LIN9: variants seen among roughly 807,000 people sequenced by gnomAD.
LIN9 encodes the protein protein lin-9 homolog.
In LIN9, 18 loss-of-function variants were observed where a neutral mutation model predicts 78.0. The ratio of observed to expected loss-of-function variants is 0.23; its 90% CI spans 0.16 to 0.34. The LOEUF (loss-of-function observed/expected upper bound fraction) is 0.34, where lower values mean the gene tolerates loss of function less well. Ranked by LOEUF, LIN9 falls within the 10% of genes least tolerant of loss-of-function variation. The pLI is 1.00. For missense variants in LIN9, 451 were observed against 644.1 expected (o/e 0.70, Z 3.25); for synonymous variants, 192 against 215.2 (o/e 0.89, Z 0.94).
At chr1:226,240,988 T>C (rs1658071660) in intron 11 of LIN9, among the ~76,000 whole-genome samples, 1 of 152,228 alleles carries the variant, frequency 6.6e-6, no homozygotes, top group African/African-American at 2.4e-5. Context: ...TTGTGGGATC[T>C]GAAGCCAGTT....
At chr1:226,303,660 C>T (rs534594964) in intron 1 of LIN9, among the ~76,000 whole-genome samples, 108 of 152,056 alleles carry the variant, frequency 7.1e-4, no homozygotes, top group African/African-American at 2.4e-3. Context: ...GGTTGGAGTG[C>T]GGTGGCGCAA....
intron 10 of LIN9, 113 bp from the exon 11 acceptor site, chr1:226,251,032 C>A: frequency 1.7e-6 from 1 of 580,296 alleles, no homozygotes; most frequent in Non-Finnish European, 3.0e-6. Context: ...TTTAGTGTTT[C>A]AACATATATA....
At chr1:226,288,557 A>G (rs1281046108) in intron 4 of LIN9, among the ~76,000 whole-genome samples, 1 of 152,240 alleles carries the variant, frequency 6.6e-6, no homozygotes, top group Non-Finnish European at 1.5e-5. Flanking sequence ...AAGAAAATTT[A>G]ATGAAATGGG....
chr1:226,260,629 T>TTTG (rs1558171845), intron 10 of LIN9, among the ~76,000 whole-genome samples: 1 of 4,382 alleles, frequency 2.3e-4, no homozygotes. Context: ...GCCAAATGAG[T>TTTG]TTTTTTTTTT....
At chr1:226,257,208 C>G (rs1026482158) in intron 10 of LIN9, among the ~76,000 whole-genome samples, 4 of 152,062 alleles carry the variant, frequency 2.6e-5, no homozygotes, top group Non-Finnish European at 4.4e-5. Context: ...CCTCAGCCTC[C>G]CAAAGTGCTA....
At chr1:226,269,582 G>A (rs754661264) in intron 7 of LIN9, among the ~76,000 whole-genome samples, 17 of 152,198 alleles carry the variant, frequency 1.1e-4, no homozygotes, top group Non-Finnish European at 2.2e-4. Context: ...CACCAACGTG[G>A]TCGATGAGAA....
intron 7 of LIN9, among the ~76,000 whole-genome samples, chr1:226,274,551 T>C (rs183446143): frequency 6.6e-6 from 1 of 152,348 alleles, no homozygotes. Flanking sequence ...TAATATTTTT[T>C]ATGTGCATCG....
At chr1:226,253,012 C>T (rs1658940036) in intron 10 of LIN9, among the ~76,000 whole-genome samples, 2 of 151,970 alleles carry the variant, frequency 1.3e-5, no homozygotes, top group African/African-American at 4.8e-5. Context: ...CCTATAATCC[C>T]AGGACTTTGG....
intron 7 of LIN9, among the ~76,000 whole-genome samples, chr1:226,268,884 T>C (rs1660093640): frequency 6.6e-6 from 1 of 152,234 alleles, no homozygotes; most frequent in Non-Finnish European, 1.5e-5. Flanking sequence ...CTTATTCTTT[T>C]GCCAATTTTG....
chr1:226,282,491 T>C lies in LIN9; in HGVS notation c.524+3842A>G, dbSNP rs183486444. Reference sequence around the variant, plus strand: ...CCATGCCATTACTAACCCAACACATTAAAACCTTTATGAACTCTGCCCATC... The same window carrying C: ...CCATGCCATTACTAACCCAACACATCAAAACCTTTATGAACTCTGCCCATC... On this transcript the variant is annotated intron_variant, in intron 6 of 14. Transcript: ENST00000681046. 5.3e-4 allele frequency among the ~76,000 whole-genome samples: 80 copies of C among 152,286 alleles called. 1 individual carries two copies. The highest frequency in any genetic ancestry group is 1.8e-3 in the African/African-American group (74 of 41,560).
chr1:226,240,666 G>C (rs1167267963), intron 11 of LIN9, among the ~76,000 whole-genome samples: 3 of 152,048 alleles, frequency 2.0e-5, no homozygotes, highest in African/African-American at 7.2e-5. Flanking sequence ...TGGGATTACA[G>C]GTGTGAGCCA....
chr1:226,309,008 C>T, intron 1 of LIN9, 101 bp downstream of exon 1: 1 of 1,207,148 alleles, frequency 8.3e-7, no homozygotes, highest in South Asian at 3.5e-5. Flanking sequence ...GGCAGTCAGC[C>T]CACCTGCCCA....
chr1:226,300,314 G>A (rs1404034143), intron 2 of LIN9, among the ~76,000 whole-genome samples: 2 of 152,080 alleles, frequency 1.3e-5, no homozygotes, highest in African/African-American at 2.4e-5. Context: ...ACTTTGCAAA[G>A]CTGAGGCAGC....
chr1:226,280,300 T>C lies in LIN9; in HGVS notation c.525-2368A>G, dbSNP rs565999159. Among the ~76,000 whole-genome samples the C allele has an allele frequency of 2.6e-5, 4 of 152,266 alleles. No homozygotes were observed. The South Asian group carries it at 8.3e-4, about 32-fold the overall frequency. ...ATATAAAGACCAGCACTGTATAAAG[T>C]GAATTGTTGTAAGCAATGATGAATA... is the stretch of plus-strand genomic sequence containing the variant. On this transcript the variant is annotated intron_variant, in intron 6 of 14. Coordinates refer to ENST00000681046, the MANE Select transcript of LIN9 (RefSeq NM_001366245.2).
Position 226,267,975 on chromosome 1 carries a change from G to T in LIN9, c.798C>A (p.Ile266=). The T allele has an allele frequency of 6.2e-7, 1 of 1,613,396 alleles. No individual in the cohort carries two copies. Among genetic ancestry groups the T allele is most frequent in the Non-Finnish European group, 8.5e-7 (1 of 1,179,612 alleles). The change falls in exon 8 of 15, where the codon ATC becomes ATA. Residue 266 remains isoleucine (I), a synonymous_variant. Coordinates refer to ENST00000681046, the MANE Select transcript of LIN9 (RefSeq NM_001366245.2). ...TACTTACGAGAACTTCATAGTCAGG[G>T]ATGGTATGGGTTCCAAGCCCTGTCC... ...FDRTGLGTHT[I]PDYEVLSNEP...
intron 11 of LIN9, among the ~76,000 whole-genome samples, chr1:226,245,328 G>A (rs371465100): frequency 3.9e-5 from 6 of 152,154 alleles, no homozygotes; most frequent in East Asian, 3.8e-4. Context: ...CATAAAAGAT[G>A]TACTAATTTA....
chr1:226,244,062 G>A (rs1658301365), intron 11 of LIN9, among the ~76,000 whole-genome samples: 1 of 151,404 alleles, frequency 6.6e-6, no homozygotes. Context: ...TTTTACTAGA[G>A]GTGGGGTTTC....
At chr1:226,308,046 T>C (rs1305664020) in intron 1 of LIN9, among the ~76,000 whole-genome samples, 1 of 152,224 alleles carries the variant, frequency 6.6e-6, no homozygotes, top group Non-Finnish European at 1.5e-5. Flanking sequence ...ATCGGTAGTA[T>C]GTTGAGTCCT....
chr1:226,273,264 T>G (rs1255010741), intron 7 of LIN9, among the ~76,000 whole-genome samples: 2 of 146,912 alleles, frequency 1.4e-5, no homozygotes, highest in East Asian at 3.9e-4. Context: ...TAATTTTTTT[T>G]TTTTTTTTTT....
Sources: gnomAD v4.1 joint callset for allele counts (sites outside exome capture counted in the v4.1 genomes callset) on GRCh38, gnomAD v4.1.1 for gene constraint, MANE v1.5 for transcripts, NCBI Gene and HGNC (gene_info 2026-07-23, HGNC 2026-07-21) for gene names.